SLC24A4: variants seen among roughly 807,000 people sequenced by gnomAD.
SLC24A4 encodes sodium/potassium/calcium exchanger 4.
SLC24A4 carries 53 observed loss-of-function variants against 79.0 expected under a neutral mutation model. That is an observed-to-expected ratio of 0.67 (90% CI 0.54 to 0.84). The LOEUF is 0.84. Among genes scored for constraint, SLC24A4 ranks in the 40% least tolerant of loss-of-function variants. SLC24A4 has a pLI of 0.00. For missense variants in SLC24A4, 731 were observed against 822.0 expected, an observed-to-expected ratio of 0.89 and a Z score of 1.35; for synonymous variants, 323 against 323.8, an observed-to-expected ratio of 1.00 and a Z score of 0.03.
chr14:92,457,902 A>G (rs1289530070), intron 12 of SLC24A4, among the ~76,000 whole-genome samples: 2 of 152,234 alleles, frequency 1.3e-5, no homozygotes, highest in Non-Finnish European at 2.9e-5. Flanking sequence ...CTCTTGTCCC[A>G]TCTTGATGGG....
At chr14:92,377,149 A>C (rs151241749) in intron 2 of SLC24A4, among the ~76,000 whole-genome samples, 2 of 152,358 alleles carry the variant, frequency 1.3e-5, no homozygotes, top group East Asian at 3.9e-4. Context: ...CAGCTGCCTC[A>C]TGGCAGAGCT....
rs371416275 is a variant in SLC24A4 at position 92,347,083 on chromosome 14, CAT to C, written c.241+21107_241+21108del. ...AACCTTCTAAAAAAGTGTCATAAAA[CAT>C]AGGAATGCTTTACAATCGACTCTAT... On this transcript the variant is annotated intron_variant, in intron 2 of 16. Coordinates refer to ENST00000532405, the MANE Select transcript of SLC24A4 (RefSeq NM_153646.4). Among the ~76,000 whole-genome samples, 56 of 151,866 alleles carry C rather than the reference CAT, an allele frequency of 3.7e-4. No homozygotes were observed. The Middle Eastern group carries it at 0.01, about 28-fold the overall frequency.
At position 92,414,677 on chromosome 14, in the gene SLC24A4, C is replaced by T. The variant is rs145618908; in HGVS notation, c.242-19235C>T. 5.9e-3 allele frequency among the ~76,000 whole-genome samples: 897 copies of T among 152,266 alleles called. 5 individuals are homozygous for T. Among genetic ancestry groups the T allele is most frequent in the Middle Eastern group, 0.031 (9 of 292 alleles). On this transcript the variant is annotated intron_variant, in intron 2 of 16. Transcript: ENST00000532405. ...ATTGCTTGATCCCGGGAGGTTGAGG[C>T]TGCAGTGAGCTGTGATCGCACCACC... is the stretch of plus-strand genomic sequence containing the variant.
At chr14:92,400,437 CAAAAAAA>C (rs35343108) in intron 2 of SLC24A4, among the ~76,000 whole-genome samples, 1 of 79,480 alleles carries the variant, frequency 1.3e-5, no homozygotes, top group Non-Finnish European at 2.5e-5. Flanking sequence ...GACTCCATCT[CAAAAAAA>C]AAAAAAAAAA....
At chr14:92,351,620 G>A (rs777738815) in intron 2 of SLC24A4, among the ~76,000 whole-genome samples, 29 of 152,218 alleles carry the variant, frequency 1.9e-4, no homozygotes, top group Non-Finnish European at 3.2e-4. Flanking sequence ...ACTTCGGGAG[G>A]CCGAGGCGGG....
At chr14:92,334,795 C>T (rs978585779) in intron 2 of SLC24A4, among the ~76,000 whole-genome samples, 2 of 152,084 alleles carry the variant, frequency 1.3e-5, no homozygotes, top group Non-Finnish European at 2.9e-5. Context: ...TCTTACCTGT[C>T]TCACAGTGCT....
At position 92,323,598 on chromosome 14, in the gene SLC24A4, G is replaced by A. The variant is rs1884922330; in HGVS notation, c.-233G>A. The stretch of plus-strand genomic sequence containing the variant: ...TCCTCGCCACGGAGCCATGGTGCGC[G>A]CAGCGCGCACGCGGCGCGCGGGACT... On this transcript the variant is annotated 5_prime_UTR_variant, in exon 1 of 17. Coordinates refer to ENST00000532405, the MANE Select transcript of SLC24A4 (RefSeq NM_153646.4). This position sits in a 1 kb window ranked among gnomAD's most constrained non-coding sequence, Gnocchi z 4.9. 6 of 382,286 alleles carry A rather than the reference G, an allele frequency of 1.6e-5. No homozygotes were observed. Among genetic ancestry groups the A allele is most frequent in the Middle Eastern group, 1.4e-3 (2 of 1,426 alleles). The allele number at this position is 382,286 out of a possible 1,614,324, so 23.7% of individuals were successfully genotyped here. A position where few individuals can be genotyped will look rare whatever the true frequency, so the allele number is the denominator to read the frequency against.
chr14:92,365,885 G>C (rs1566717029), intron 2 of SLC24A4, among the ~76,000 whole-genome samples: 1 of 152,212 alleles, frequency 6.6e-6, no homozygotes, highest in Non-Finnish European at 1.5e-5. Context: ...GAACTAGGCT[G>C]TCTGGCCCCA....
chr14:92,485,762 A>C (rs771517084), intron 13 of SLC24A4, among the ~76,000 whole-genome samples: 4 of 152,204 alleles, frequency 2.6e-5, no homozygotes, highest in Non-Finnish European at 4.4e-5. Flanking sequence ...TACAGAAAAT[A>C]ACCATATGAT....
chr14:92,379,580 C>T (rs2141707207), intron 2 of SLC24A4, among the ~76,000 whole-genome samples: 1 of 152,238 alleles, frequency 6.6e-6, no homozygotes, highest in Non-Finnish European at 1.5e-5. Flanking sequence ...CTGGCGTCTC[C>T]CCTTTCCTAT....
chr14:92,402,877 A>G (rs1314733314), intron 2 of SLC24A4, among the ~76,000 whole-genome samples: 1 of 152,168 alleles, frequency 6.6e-6, no homozygotes, highest in Non-Finnish European at 1.5e-5. Context: ...GGGTGGAGAC[A>G]CAGCCAAACC....
intron 12 of SLC24A4, among the ~76,000 whole-genome samples, chr14:92,460,292 G>A (rs982711301): frequency 4.6e-5 from 7 of 152,072 alleles, no homozygotes; most frequent in African/African-American, 1.2e-4. Context: ...GGCGGGTGAC[G>A]GCACCTACCT....
chr14:92,466,074 G>A (rs912513536), intron 12 of SLC24A4, among the ~76,000 whole-genome samples: 8 of 152,136 alleles, frequency 5.3e-5, no homozygotes, highest in Admixed American at 2.0e-4. Context: ...GGACAGTGTC[G>A]CTAAGAGGCC....
At position 92,441,203 on chromosome 14, in the gene SLC24A4, AGCCCT is replaced by A. The variant is rs1056242160; in HGVS notation, c.394-884_394-880del. On this transcript the variant is annotated intron_variant, in intron 4 of 16. Coordinates refer to ENST00000532405, the MANE Select transcript of SLC24A4 (RefSeq NM_153646.4). This position sits in a 1 kb window ranked among gnomAD's most constrained non-coding sequence, Gnocchi z 4.6. ...TTGGGAGTTGGGGCTGGTGGAGGTG[AGCCCT>A]GTCCTGAGAGGCCTTCTGAGAACCG... Among the ~76,000 whole-genome samples, 2 of 152,098 alleles carry A rather than the reference AGCCCT, an allele frequency of 1.3e-5. No individual in the cohort carries two copies. The highest frequency in any genetic ancestry group is 2.9e-5 in the Non-Finnish European group (2 of 67,994).
intron 2 of SLC24A4, among the ~76,000 whole-genome samples, chr14:92,326,714 G>T (rs1255717640): frequency 1.3e-5 from 2 of 152,158 alleles, no homozygotes; most frequent in Non-Finnish European, 2.9e-5. Flanking sequence ...TTGAGCTCTG[G>T]CTGTAACCCT....
chr14:92,425,180 A>G (rs929021257), intron 2 of SLC24A4, among the ~76,000 whole-genome samples: 9 of 152,248 alleles, frequency 5.9e-5, no homozygotes, highest in African/African-American at 1.4e-4. Context: ...AGCTAGGAAG[A>G]GAATCTTCAC....
chr14:92,410,500 A>G (rs1184499684), intron 2 of SLC24A4, among the ~76,000 whole-genome samples: 1 of 152,138 alleles, frequency 6.6e-6, no homozygotes, highest in African/African-American at 2.4e-5. Flanking sequence ...TTTGTAAGGT[A>G]CCTTTTAAAA....
chr14:92,425,475 A>G lies in SLC24A4; in HGVS notation c.242-8437A>G, dbSNP rs545089754. Among the ~76,000 whole-genome samples, 5 of 152,348 alleles carry G rather than the reference A, an allele frequency of 3.3e-5. No individual in the cohort carries two copies. In the South Asian group the frequency reaches 8.3e-4, roughly 25 times the overall value. On this transcript the variant is annotated intron_variant, in intron 2 of 16. Coordinates refer to ENST00000532405, the MANE Select transcript of SLC24A4 (RefSeq NM_153646.4). ...AGAAGGTGGCTGTCATTGGCAAAAC[A>G]TGACCATTTTGGGCCAATTGCTGCA...
chr14:92,385,108 A>G (rs959928243), intron 2 of SLC24A4, among the ~76,000 whole-genome samples: 8 of 152,234 alleles, frequency 5.3e-5, no homozygotes, highest in African/African-American at 1.7e-4. Context: ...CAGTTGCCGC[A>G]GTTACCAGCT....
Sources: gnomAD v4.1 joint callset for allele counts (sites outside exome capture counted in the v4.1 genomes callset) on GRCh38, gnomAD v4.1.1 for gene constraint, Gnocchi (gnomAD v3.1) non-coding constraint, MANE v1.5 for transcripts, NCBI Gene and HGNC (gene_info 2026-07-23, HGNC 2026-07-21) for gene names.